The following GRIP1 variants were observed in gnomAD, a reference collection of about 807,000 sequenced individuals.
GRIP1 encodes glutamate receptor interacting protein 1.
In GRIP1, 45 loss-of-function variants were observed where a neutral mutation model predicts 129.9. That is an observed-to-expected ratio of 0.35 (90% CI 0.27 to 0.44). GRIP1 has a LOEUF of 0.44. GRIP1 is among the 20% of genes least tolerant of loss of function. GRIP1 has a pLI of 1.00. For synonymous variants in GRIP1, 530 were observed against 520.8 expected (o/e 1.02, Z -0.24); for missense variants, 1,196 against 1,396.8 (o/e 0.86, Z 2.29).
intron 1 of GRIP1, among the ~76,000 whole-genome samples, chr12:66,929,674 C>T (rs1219377556): frequency 1.3e-5 from 2 of 152,212 alleles, no homozygotes; most frequent in East Asian, 1.9e-4. Flanking sequence ...GTTCTAAGCA[C>T]AACTGAAATC....
At chr12:66,749,339 G>C (rs1299731142) in intron 1 of GRIP1, among the ~76,000 whole-genome samples, 3 of 152,074 alleles carry the variant, frequency 2.0e-5, no homozygotes, top group Non-Finnish European at 4.4e-5. Flanking sequence ...AGTGTAATTT[G>C]GGAAAGAGAC....
At chr12:66,947,094 C>T (rs1482528391) in intron 1 of GRIP1, among the ~76,000 whole-genome samples, 2 of 151,980 alleles carry the variant, frequency 1.3e-5, no homozygotes, top group South Asian at 2.1e-4. Flanking sequence ...ATATCCCCAT[C>T]ACCTGAGGGA....
At chr12:66,861,556 G>A (rs2040112441) in intron 1 of GRIP1, among the ~76,000 whole-genome samples, 1 of 152,016 alleles carries the variant, frequency 6.6e-6, no homozygotes. Flanking sequence ...TATTGCTGTG[G>A]GGCTAAAGGC....
At chr12:66,963,500 AG>A (rs2041953130) in intron 1 of GRIP1, among the ~76,000 whole-genome samples, 1 of 152,052 alleles carries the variant, frequency 6.6e-6, no homozygotes, top group African/African-American at 2.4e-5. Flanking sequence ...AGAAGGAATA[AG>A]GAGGTTAAGT....
At chr12:66,955,816 T>A (rs562499627) in intron 1 of GRIP1, among the ~76,000 whole-genome samples, 4 of 152,318 alleles carry the variant, frequency 2.6e-5, no homozygotes, top group African/African-American at 9.6e-5. Flanking sequence ...CTATACTACA[T>A]TATTTAACAA....
intron 2 of GRIP1, among the ~76,000 whole-genome samples, chr12:66,543,934 A>G (rs376790496): frequency 2.2e-4 from 34 of 152,260 alleles, no homozygotes; most frequent in African/African-American, 7.7e-4. Flanking sequence ...CAGGCATGTG[A>G]GAAGTAAGTT....
At chr12:66,864,014 A>G (rs2040157768) in intron 1 of GRIP1, among the ~76,000 whole-genome samples, 1 of 152,008 alleles carries the variant, frequency 6.6e-6, no homozygotes, top group Non-Finnish European at 1.5e-5. Flanking sequence ...TTCAACTGGC[A>G]TGCCCTTCCC....
chr12:66,528,145 T>TTGTTTGTTTG (rs1555201204), intron 5 of GRIP1, among the ~76,000 whole-genome samples: 24 of 142,716 alleles, frequency 1.7e-4, no homozygotes, highest in South Asian at 2.3e-4. Flanking sequence ...TTTTTTTTTT[T>TTGTTTGTTTG]TTTTTTTGAG....
At chr12:66,643,232 T>A (rs1387577706) in intron 1 of GRIP1, among the ~76,000 whole-genome samples, 2 of 152,172 alleles carry the variant, frequency 1.3e-5, no homozygotes, top group Non-Finnish European at 2.9e-5. Flanking sequence ...GTGCGTTGGG[T>A]TTCACCCAGA....
intron 5 of GRIP1, 143 bp downstream of exon 5, chr12:66,529,688 C>CTGCTCGGG (rs2061380192): frequency 1.5e-6 from 1 of 671,348 alleles, no homozygotes; most frequent in African/African-American, 1.8e-5. Context: ...TCAGTGTATA[C>CTGCTCGGG]TGCTCGGGTC....
At chr12:67,040,119 AG>A (rs2043153804) in intron 1 of GRIP1, among the ~76,000 whole-genome samples, 1 of 152,112 alleles carries the variant, frequency 6.6e-6, no homozygotes, top group African/African-American at 2.4e-5. Flanking sequence ...AAGACCACAA[AG>A]GCCTCTATGC....
intron 1 of GRIP1, among the ~76,000 whole-genome samples, chr12:66,985,932 T>C (rs1274178443): frequency 6.6e-6 from 1 of 152,242 alleles, no homozygotes; most frequent in Non-Finnish European, 1.5e-5. Flanking sequence ...TTAGTAGTTT[T>C]GTGTCTAAAA....
chr12:66,727,050 C>T (rs182581689), intron 1 of GRIP1, among the ~76,000 whole-genome samples: 128 of 152,312 alleles, frequency 8.4e-4, no homozygotes, highest in African/African-American at 2.9e-3. Context: ...ATTTCTCTAA[C>T]ACACAGCTCA....
chr12:66,490,833 C>T (rs1253035546), intron 7 of GRIP1, among the ~76,000 whole-genome samples: 1 of 152,050 alleles, frequency 6.6e-6, no homozygotes. Context: ...AGAAGACATT[C>T]ATGCACACAA....
At chr12:66,606,553 C>T (rs1055305851) in intron 1 of GRIP1, among the ~76,000 whole-genome samples, 1 of 152,076 alleles carries the variant, frequency 6.6e-6, no homozygotes, top group South Asian at 2.1e-4. Context: ...TCATGAGATG[C>T]CAACATGAGT....
intron 1 of GRIP1, among the ~76,000 whole-genome samples, chr12:66,604,582 G>A (rs2064427087): frequency 1.3e-5 from 2 of 151,108 alleles, no homozygotes; most frequent in South Asian, 4.2e-4. Flanking sequence ...TTTTCTTTGT[G>A]AGAGGGCTAT....
chr12:66,747,227 GTAAA>G (rs2036977523), intron 1 of GRIP1, among the ~76,000 whole-genome samples: 3 of 152,014 alleles, frequency 2.0e-5, no homozygotes, highest in Non-Finnish European at 4.4e-5. Context: ...AAAAAACTGA[GTAAA>G]TAAAATTTAT....
chr12:66,833,852 G>A (rs995727984), intron 1 of GRIP1, among the ~76,000 whole-genome samples: 1 of 152,042 alleles, frequency 6.6e-6, no homozygotes, highest in African/African-American at 2.4e-5. Context: ...TTACAAATGT[G>A]CTAGCTATTA....
chr12:66,816,174 G>A (rs1488628504), intron 1 of GRIP1, among the ~76,000 whole-genome samples: 1 of 152,144 alleles, frequency 6.6e-6, no homozygotes. Flanking sequence ...GGGAAATGTG[G>A]TTTCTCTAAA....
Sources: gnomAD v4.1 joint callset for allele counts (sites outside exome capture counted in the v4.1 genomes callset) on GRCh38, gnomAD v4.1.1 for gene constraint, MANE v1.5 for transcripts, NCBI Gene and HGNC (gene_info 2026-07-23, HGNC 2026-07-21) for gene names.